The following ENPP3 variants were observed in gnomAD, a reference collection of about 807,000 sequenced individuals.
ENPP3 encodes ectonucleotide pyrophosphatase/phosphodiesterase 3, also known as ectonucleotide pyrophosphatase/phosphodiesterase family member 3.
ENPP3 carries 104 observed loss-of-function variants against 117.8 expected under a neutral mutation model. The observed-to-expected ratio is 0.88, with a 90% CI of 0.75 to 1.04. The LOEUF is 1.04. Ranked by LOEUF, ENPP3 falls within the 50% of genes least tolerant of loss-of-function variation. The pLI, the probability that ENPP3 is intolerant of heterozygous loss-of-function variation, is 0.00. For synonymous variants in ENPP3, 380 were observed against 349.9 expected, an observed-to-expected ratio of 1.09 and a Z score of -0.96; for missense variants, 1,026 against 1,051.9, an observed-to-expected ratio of 0.98 and a Z score of 0.34.
intron 24 of ENPP3, among the ~76,000 whole-genome samples, chr6:131,744,806 C>T (rs1419737098): frequency 7.2e-6 from 1 of 138,608 alleles, no homozygotes; most frequent in African/African-American, 3.0e-5. Flanking sequence ...CATTTATACA[C>T]ACACACACAC....
At chr6:131,741,345 G>T (rs947050249) in intron 24 of ENPP3, among the ~76,000 whole-genome samples, 3 of 152,116 alleles carry the variant, frequency 2.0e-5, no homozygotes, top group African/African-American at 7.2e-5. Flanking sequence ...TTATATATGA[G>T]ATATAGGCAC....
intron 2 of ENPP3, among the ~76,000 whole-genome samples, chr6:131,641,770 G>C (rs1585607006): frequency 7.7e-6 from 1 of 129,316 alleles, no homozygotes; most frequent in South Asian, 2.6e-4. Flanking sequence ...TATCATTCCA[G>C]TGTTTTTCTC....
intron 17 of ENPP3, among the ~76,000 whole-genome samples, chr6:131,721,266 A>G (rs1209542466): frequency 6.6e-6 from 1 of 152,236 alleles, no homozygotes; most frequent in Non-Finnish European, 1.5e-5. Context: ...AAATTTGGAC[A>G]TAAACATGCT....
At chr6:131,740,139 TG>T (rs1780495551) in intron 23 of ENPP3, 84 bp from the exon 24 acceptor site, 6 of 998,414 alleles carry the variant, frequency 6.0e-6, no homozygotes, top group Non-Finnish European at 8.3e-6. Context: ...TACATGTATA[TG>T]AAAAAAACTA....
chr6:131,653,212 C>A (rs1397054625), intron 5 of ENPP3, among the ~76,000 whole-genome samples: 1 of 152,192 alleles, frequency 6.6e-6, no homozygotes, highest in Non-Finnish European at 1.5e-5. Context: ...TCACTGCAGT[C>A]TTGACCTCCC....
chr6:131,661,173 G>C (rs1368024413), intron 6 of ENPP3, among the ~76,000 whole-genome samples: 4 of 152,076 alleles, frequency 2.6e-5, no homozygotes, highest in African/African-American at 9.7e-5. Flanking sequence ...CTTATGAGTA[G>C]TGCTTCAGTG....
intron 11 of ENPP3, 66 bp from the exon 12 acceptor site, chr6:131,682,988 T>G (rs964421410): frequency 3.0e-5 from 29 of 961,834 alleles, no homozygotes; most frequent in Non-Finnish European, 4.7e-5. Flanking sequence ...TTTTACTTCA[T>G]TAGATAACGG....
At chr6:131,686,936 C>G (rs774188945) in intron 14 of ENPP3, among the ~76,000 whole-genome samples, 11 of 152,110 alleles carry the variant, frequency 7.2e-5, no homozygotes, top group Non-Finnish European at 1.3e-4. Flanking sequence ...TGGGTTGATT[C>G]CATGTCTTTG....
At chr6:131,666,409 G>A (rs565258148) in intron 6 of ENPP3, among the ~76,000 whole-genome samples, 1 of 152,072 alleles carries the variant, frequency 6.6e-6, no homozygotes, top group African/African-American at 2.4e-5. Context: ...CCCTAGATTT[G>A]GGAGTTTTTA....
intron 19 of ENPP3, 59 bp from the exon 20 acceptor site, chr6:131,725,987 T>C (rs914930770): frequency 4.1e-6 from 5 of 1,204,966 alleles, no homozygotes; most frequent in Non-Finnish European, 4.9e-6. Flanking sequence ...AGTTATTACA[T>C]GCAAAGAAGC....
intron 15 of ENPP3, among the ~76,000 whole-genome samples, chr6:131,697,585 T>A (rs1282761894): frequency 6.6e-6 from 1 of 151,818 alleles, no homozygotes; most frequent in Non-Finnish European, 1.5e-5. Context: ...TTCCTGCAAC[T>A]AGATGGTCCT....
At chr6:131,663,035 G>T (rs1778535647) in intron 6 of ENPP3, among the ~76,000 whole-genome samples, 1 of 151,916 alleles carries the variant, frequency 6.6e-6, no homozygotes, top group African/African-American at 2.4e-5. Context: ...CAATTTTACT[G>T]CATTTATTAG....
chr6:131,686,958 A>T (rs773234773), intron 14 of ENPP3, among the ~76,000 whole-genome samples: 8 of 152,190 alleles, frequency 5.3e-5, no homozygotes, highest in Non-Finnish European at 8.8e-5. Flanking sequence ...TATTGTGAAT[A>T]ATGCAGCAAT....
intron 11 of ENPP3, among the ~76,000 whole-genome samples, chr6:131,679,199 G>A (rs920440391): frequency 4.8e-4 from 72 of 151,354 alleles, no homozygotes; most frequent in African/African-American, 1.8e-3. Context: ...GATTCAAGCA[G>A]TTCTCCTGTC....
intron 20 of ENPP3, among the ~76,000 whole-genome samples, chr6:131,728,066 G>T (rs927291056): frequency 1.1e-3 from 166 of 152,330 alleles, no homozygotes; most frequent in African/African-American, 3.7e-3. Flanking sequence ...TTGTTTGCCA[G>T]TGTGGGCAAA....
intron 6 of ENPP3, among the ~76,000 whole-genome samples, chr6:131,662,786 C>G (rs1227461963): frequency 2.6e-5 from 4 of 152,078 alleles, no homozygotes; most frequent in Non-Finnish European, 4.4e-5. Context: ...GTAATAGGAA[C>G]ATTTTAACAA....
intron 2 of ENPP3, among the ~76,000 whole-genome samples, chr6:131,643,943 C>CTGTA (rs1562424033): frequency 1.4e-5 from 2 of 142,978 alleles, no homozygotes; most frequent in Non-Finnish European, 3.1e-5. Flanking sequence ...GTGTGTGTGT[C>CTGTA]TGTGTGTGTG....
chr6:131,708,111 TC>T (rs1779679778), intron 15 of ENPP3, among the ~76,000 whole-genome samples: 1 of 102,930 alleles, frequency 9.7e-6, no homozygotes, highest in Non-Finnish European at 1.8e-5. Flanking sequence ...TGATTTTCTG[TC>T]TAGTTCTATC....
intron 8 of ENPP3, chr6:131,674,506 A>T (rs1182345128): frequency 1.8e-6 from 1 of 549,416 alleles, no homozygotes; most frequent in African/African-American, 1.9e-5. Flanking sequence ...TTATAAATGT[A>T]TCCATCTGGA....
Sources: allele counts gnomAD v4.1 joint callset (sites outside exome capture counted in the v4.1 genomes callset), GRCh38; gene constraint gnomAD v4.1.1; transcripts MANE v1.5; gene names NCBI Gene and HGNC (gene_info 2026-07-23, HGNC 2026-07-21).